The following LUC7L3 variants were observed in gnomAD, a reference collection of about 807,000 sequenced individuals.
The protein encoded by LUC7L3 is luc7-like protein 3.
In LUC7L3, 6 loss-of-function variants were observed where a neutral mutation model predicts 66.8. That is an observed-to-expected ratio of 0.09 (90% CI 0.05 to 0.18). The LOEUF (loss-of-function observed/expected upper bound fraction) is 0.18, where lower values mean the gene tolerates loss of function less well. Ranked by LOEUF, LUC7L3 falls within the 10% of genes least tolerant of loss-of-function variation. LUC7L3 has a pLI of 1.00. For synonymous variants in LUC7L3, 160 were observed against 174.7 expected (o/e 0.92, Z 0.66); for missense variants, 341 against 531.1 (o/e 0.64, Z 3.52).
chr17:50,728,797 G>T (rs1014800538), intron 1 of LUC7L3, among the ~76,000 whole-genome samples: 14 of 152,290 alleles, frequency 9.2e-5, no homozygotes, highest in Middle Eastern at 3.4e-3. Flanking sequence ...CAAGTGATCT[G>T]CCTGCCTCGG....
chr17:50,724,214 A>G (rs2146688452), intron 1 of LUC7L3: 2 of 193,802 alleles, frequency 1.0e-5, no homozygotes, highest in South Asian at 1.2e-4. Flanking sequence ...TCTGTAAAAT[A>G]CAAGGACTTT....
chr17:50,732,044 C>G (rs1462980990), intron 1 of LUC7L3, among the ~76,000 whole-genome samples: 1 of 152,158 alleles, frequency 6.6e-6, no homozygotes, highest in African/African-American at 2.4e-5. Flanking sequence ...GTCATATCCC[C>G]AGACCCAGGG....
At chr17:50,732,670 C>T (rs1449758412) in intron 1 of LUC7L3, among the ~76,000 whole-genome samples, 3 of 151,978 alleles carry the variant, frequency 2.0e-5, no homozygotes, top group African/African-American at 7.3e-5. Flanking sequence ...GCATAAGCCA[C>T]TGGGCCCAGC....
intron 1 of LUC7L3, among the ~76,000 whole-genome samples, chr17:50,733,858 AT>A (rs1046592379): frequency 5.9e-5 from 9 of 152,248 alleles, no homozygotes; most frequent in Admixed American, 5.2e-4. Flanking sequence ...CAGGGTTAAT[AT>A]AATTGAAAGG....
Position 50,751,119 on chromosome 17 carries a change from G to A in LUC7L3, c.*458G>A. On this transcript the variant is annotated 3_prime_UTR_variant, in exon 10 of 10. Coordinates refer to ENST00000505658, the MANE Select transcript of LUC7L3 (RefSeq NM_016424.5). ...CTTAAATATTTCGGAGGCACATGTTGGACTACTTTGTTTTAATTAAACTGC... is the reference window on the plus strand; with the variant it reads ...CTTAAATATTTCGGAGGCACATGTTAGACTACTTTGTTTTAATTAAACTGC... 6.9e-7 allele frequency: 1 copy of A among 1,453,284 alleles called. No homozygotes were observed. Among genetic ancestry groups the A allele is most frequent in the Non-Finnish European group, 9.0e-7 (1 of 1,111,138 alleles). 90.0% of individuals were successfully genotyped at this position (1,453,284 alleles called of 1,614,324 possible).
intron 1 of LUC7L3, chr17:50,723,375 G>A (rs1341749745): frequency 6.6e-6 from 1 of 152,244 alleles, no homozygotes; most frequent in African/African-American, 2.4e-5. Context: ...TGGAATGTTA[G>A]CAGATACTGT....
At chr17:50,720,589 CATTTCAAGTGTT>C (rs1440883058) in intron 1 of LUC7L3, among the ~76,000 whole-genome samples, 2 of 152,318 alleles carry the variant, frequency 1.3e-5, no homozygotes, top group Non-Finnish European at 2.9e-5. Flanking sequence ...CCTACTGTAG[CATTTCAAGTGTT>C]TTGATCTAGT....
intron 1 of LUC7L3, among the ~76,000 whole-genome samples, 174 bp downstream of exon 1, chr17:50,720,005 G>A (rs1968630353): frequency 6.6e-6 from 1 of 152,222 alleles, no homozygotes; most frequent in Non-Finnish European, 1.5e-5. Context: ...CGGGGATGGG[G>A]GTGATTTGGT....
At chr17:50,738,261 G>A in intron 2 of LUC7L3, 2 of 366,810 alleles carry the variant, frequency 5.5e-6, no homozygotes, top group Non-Finnish European at 1.1e-5. Context: ...CTATGATAAA[G>A]CCCATTCATG....
intron 1 of LUC7L3, among the ~76,000 whole-genome samples, chr17:50,725,063 C>G (rs578046971): frequency 1.6e-3 from 241 of 152,218 alleles, no homozygotes; most frequent in African/African-American, 5.6e-3. Flanking sequence ...CAGCCTTTCT[C>G]TTCATTTCTT....
In LUC7L3 at chr17:50,750,979, T is replaced by A; in HGVS notation, c.*318T>A. The stretch of plus-strand genomic sequence containing the variant: ...AAGTTAATTATCCTTTTTTTAGGGA[T>A]TTTGATGTCATTTCTTTTTTTTTTT... On this transcript the variant is annotated 3_prime_UTR_variant, in exon 10 of 10. Transcript: ENST00000505658. 1 of 1,475,264 alleles carries A rather than the reference T, an allele frequency of 6.8e-7. No individual in the cohort carries two copies. The highest frequency in any genetic ancestry group is 8.9e-7 in the Non-Finnish European group (1 of 1,122,336). The allele number at this position is 1,475,264 out of a possible 1,614,324, so 91.4% of individuals were successfully genotyped here.
At chr17:50,726,147 A>G (rs1447545077) in intron 1 of LUC7L3, among the ~76,000 whole-genome samples, 5 of 110,784 alleles carry the variant, frequency 4.5e-5, no homozygotes, top group Non-Finnish European at 9.5e-5. Context: ...GTTTATTGCA[A>G]TACCGTATAA....
At position 50,743,792 on chromosome 17, in the gene LUC7L3, G is replaced by T; in HGVS notation, c.513G>T (p.Leu171=). The T allele has an allele frequency of 1.2e-6, 2 of 1,613,070 alleles. No homozygotes were observed. The highest frequency in any genetic ancestry group is 1.7e-6 in the Non-Finnish European group (2 of 1,179,152). Residue 171 remains leucine (L), a synonymous_variant, in exon 6 of 10, where the codon CTG becomes CTT. Transcript: ENST00000505658. The part of the protein sequence containing the change: ...LVEQLKEERE[L]LRSTTSTIES... ...AGCAATTAAAAGAAGAGAGAGAACT[G>T]CTAAGGTCCACAACGTCGGTGAGTA...
chr17:50,745,687 C>A, intron 7 of LUC7L3, 33 bp from the exon 8 acceptor site: 1 of 1,543,492 alleles, frequency 6.5e-7, no homozygotes, highest in Non-Finnish European at 8.7e-7. Flanking sequence ...TTTAAAGTTA[C>A]ATTTGCATAA....
chr17:50,721,069 G>A (rs929855182), intron 1 of LUC7L3, among the ~76,000 whole-genome samples: 3 of 151,834 alleles, frequency 2.0e-5, no homozygotes, highest in African/African-American at 7.3e-5. Context: ...TTCTTTTGTA[G>A]GCATCTTTGT....
chr17:50,749,757 T>G (rs1354496032), intron 9 of LUC7L3, among the ~76,000 whole-genome samples: 2 of 152,234 alleles, frequency 1.3e-5, no homozygotes, highest in Non-Finnish European at 2.9e-5. Flanking sequence ...CTGAAAAGGC[T>G]AGACTATGCT....
chr17:50,749,505 G>GC (rs1299689686), intron 9 of LUC7L3, among the ~76,000 whole-genome samples: 1 of 152,146 alleles, frequency 6.6e-6, no homozygotes, highest in African/African-American at 2.4e-5. Context: ...CTGAGTGGGT[G>GC]CCCCTCCCAT....
intron 1 of LUC7L3, among the ~76,000 whole-genome samples, chr17:50,726,757 C>T (rs1188395305): frequency 6.6e-6 from 1 of 152,022 alleles, no homozygotes. Flanking sequence ...TTTCCCTAAA[C>T]ATTCTACAGT....
At position 50,754,368 on chromosome 17, in the gene LUC7L3, T is replaced by A. The variant is rs946575072; in HGVS notation, c.*3707T>A. The stretch of plus-strand genomic sequence containing the variant: ...TACTTCATGAGTGATTGTATTTGTA[T>A]CCACTGTTTTCTATTATTTTCGAGC... On this transcript the variant is annotated 3_prime_UTR_variant, in exon 10 of 10. Coordinates refer to ENST00000505658, the MANE Select transcript of LUC7L3 (RefSeq NM_016424.5). 6 of 152,246 alleles carry A rather than the reference T, an allele frequency of 3.9e-5. No homozygotes were observed. Among genetic ancestry groups the A allele is most frequent in the Non-Finnish European group, 7.3e-5 (5 of 68,042 alleles). The allele number at this position is 152,246 out of a possible 1,614,324, so 9.4% of individuals were successfully genotyped here.
Sources: gnomAD v4.1 joint callset for allele counts (sites outside exome capture counted in the v4.1 genomes callset) on GRCh38, gnomAD v4.1.1 for gene constraint, MANE v1.5 for transcripts, NCBI Gene and HGNC (gene_info 2026-07-23, HGNC 2026-07-21) for gene names.